Variants in PDE3B observed in about 807,000 individuals in gnomAD.
PDE3B encodes the protein cGMP-inhibited 3',5'-cyclic phosphodiesterase 3B.
In PDE3B, 66 loss-of-function variants were observed where a neutral mutation model predicts 116.8. The observed-to-expected ratio is 0.56, with a 90% CI of 0.46 to 0.69. The LOEUF (loss-of-function observed/expected upper bound fraction) is 0.69. Among genes scored for constraint, PDE3B ranks in the 30% least tolerant of loss-of-function variants. PDE3B has a pLI of 0.00. For synonymous variants in PDE3B, 595 were observed against 533.6 expected (o/e 1.12, Z -1.59); for missense variants, 1,384 against 1,368.1 (o/e 1.01, Z -0.18).
intron 1 of PDE3B, among the ~76,000 whole-genome samples, chr11:14,711,390 C>G (rs942061606): frequency 4.6e-5 from 7 of 152,068 alleles, no homozygotes; most frequent in African/African-American, 1.4e-4. Flanking sequence ...TCTTGCATTG[C>G]TATAAAGAAA....
chr11:14,764,896 A>T (rs1429318545), intron 1 of PDE3B, among the ~76,000 whole-genome samples: 1 of 135,430 alleles, frequency 7.4e-6, no homozygotes, highest in Non-Finnish European at 1.6e-5. Context: ...TCTGCTTCTC[A>T]GTTTTTCTGA....
At chr11:14,750,879 C>G (rs760198470) in intron 1 of PDE3B, among the ~76,000 whole-genome samples, 1 of 152,118 alleles carries the variant, frequency 6.6e-6, no homozygotes, top group Non-Finnish European at 1.5e-5. Flanking sequence ...AGATCTCATT[C>G]ATTTTTTTTA....
At chr11:14,785,119 A>G (rs987966881) in intron 2 of PDE3B, among the ~76,000 whole-genome samples, 5 of 152,148 alleles carry the variant, frequency 3.3e-5, no homozygotes, top group Admixed American at 1.3e-4. Context: ...GTTATATACA[A>G]TTAGAAGTGT....
chr11:14,666,299 C>T (rs1472026641), intron 1 of PDE3B, among the ~76,000 whole-genome samples: 2 of 150,032 alleles, frequency 1.3e-5, no homozygotes, highest in Non-Finnish European at 3.0e-5. Context: ...GGATTAAAGA[C>T]TTAAACGTTA....
chr11:14,849,971 A>T lies in PDE3B; in HGVS notation c.2520+5945A>T, dbSNP rs555041281. 1.6e-3 allele frequency among the ~76,000 whole-genome samples: 251 copies of T among 152,184 alleles called. 1 individual carries two copies. The highest frequency in any genetic ancestry group is 5.6e-3 in the African/African-American group (232 of 41,502). ...TAGAACTAGAAATACCATTTGACCT[A>T]GCCATCCCATTACTGGGTATATACC... On this transcript the variant is annotated intron_variant, in intron 12 of 15. Coordinates refer to ENST00000282096, the MANE Select transcript of PDE3B (RefSeq NM_000922.4).
intron 1 of PDE3B, among the ~76,000 whole-genome samples, chr11:14,769,052 C>T (rs1393215269): frequency 1.3e-5 from 2 of 151,370 alleles, no homozygotes; most frequent in Admixed American, 6.6e-5. Flanking sequence ...CACAGTAAGA[C>T]CTGCTGCTTT....
At chr11:14,827,554 T>C (rs1333844075) in intron 7 of PDE3B, among the ~76,000 whole-genome samples, 8 of 151,908 alleles carry the variant, frequency 5.3e-5, no homozygotes, top group Non-Finnish European at 1.0e-4. Flanking sequence ...AGGAACACAA[T>C]CCCATTTACA....
At chr11:14,824,697 TG>T (rs1362365276) in intron 7 of PDE3B, among the ~76,000 whole-genome samples, 1 of 152,172 alleles carries the variant, frequency 6.6e-6, no homozygotes. Context: ...GCAAACAACC[TG>T]GAAAACATAT....
At chr11:14,867,859 G>C in intron 15 of PDE3B, 101 bp downstream of exon 15, 2 of 956,118 alleles carry the variant, frequency 2.1e-6, no homozygotes, top group African/African-American at 1.7e-5. Flanking sequence ...AAAATTTTTT[G>C]AGTGCCAGCA....
chr11:14,645,182 G>T lies in PDE3B; in HGVS notation c.978+129G>T, dbSNP rs1049242150. Reference sequence around the variant, plus strand: ...ATGGAAAAAGGGTGTGTTGCGGGGGGGGGGGGGGAGGAAATAATGTTTTAT... The same window carrying T: ...ATGGAAAAAGGGTGTGTTGCGGGGGTGGGGGGGGAGGAAATAATGTTTTAT... On this transcript the variant is annotated intron_variant, in intron 1 of 15. Transcript: ENST00000282096. The T allele has an allele frequency of 2.0e-4, 93 of 471,612 alleles. 12 individuals are homozygous for T. The highest frequency in any genetic ancestry group is 7.1e-4 in the Middle Eastern group (1 of 1,416). 29.2% of individuals were successfully genotyped at this position (471,612 alleles called of 1,614,324 possible).
chr11:14,689,530 A>C (rs998783308), intron 1 of PDE3B, among the ~76,000 whole-genome samples: 5 of 152,284 alleles, frequency 3.3e-5, no homozygotes, highest in African/African-American at 1.2e-4. Flanking sequence ...TTTGCTTTGA[A>C]GGTCATAGGT....
intron 7 of PDE3B, among the ~76,000 whole-genome samples, chr11:14,821,865 C>T (rs1454074092): frequency 1.3e-5 from 2 of 151,666 alleles, no homozygotes; most frequent in Non-Finnish European, 2.9e-5. Flanking sequence ...GGATTTGAAC[C>T]TAGTTTTCTG....
chr11:14,768,664 A>G (rs571196244), intron 1 of PDE3B, among the ~76,000 whole-genome samples: 5 of 151,632 alleles, frequency 3.3e-5, no homozygotes, highest in South Asian at 2.1e-4. Flanking sequence ...CTGCACAGCT[A>G]TGTGCATTCT....
At chr11:14,843,095 G>A (rs575277351) in intron 11 of PDE3B, among the ~76,000 whole-genome samples, 1 of 152,078 alleles carries the variant, frequency 6.6e-6, no homozygotes, top group African/African-American at 2.4e-5. Context: ...AAAAATAATA[G>A]AATGATCATC....
At chr11:14,880,079 AC>A in the PDE3B span, 1 of 1,586,086 alleles carries the variant, frequency 6.3e-7, no homozygotes, top group Non-Finnish European at 8.6e-7. Context: ...AGACTCAAAA[AC>A]ATGTATGAAC....
chr11:14,762,030 G>C (rs1857373026), intron 1 of PDE3B, among the ~76,000 whole-genome samples: 1 of 151,930 alleles, frequency 6.6e-6, no homozygotes, highest in South Asian at 2.1e-4. Flanking sequence ...AAGTCAGCTG[G>C]GTGTGGTGGT....
At chr11:14,684,328 A>G (rs1854801900) in intron 1 of PDE3B, among the ~76,000 whole-genome samples, 1 of 152,176 alleles carries the variant, frequency 6.6e-6, no homozygotes, top group Non-Finnish European at 1.5e-5. Context: ...TAGGACCATG[A>G]TGCCTACCTG....
intron 1 of PDE3B, among the ~76,000 whole-genome samples, chr11:14,668,218 A>G (rs1180630217): frequency 1.3e-5 from 2 of 152,098 alleles, no homozygotes; most frequent in African/African-American, 2.4e-5. Flanking sequence ...ACAGAGTCCT[A>G]CTTAAGCTCA....
At chr11:14,816,171 A>G (rs1045947119) in intron 5 of PDE3B, among the ~76,000 whole-genome samples, 2 of 152,218 alleles carry the variant, frequency 1.3e-5, no homozygotes, top group African/African-American at 4.8e-5. Context: ...CCCTAAGCTA[A>G]TTGGATGAGG....
Sources: allele counts gnomAD v4.1 joint callset (sites outside exome capture counted in the v4.1 genomes callset), GRCh38; gene constraint gnomAD v4.1.1; transcripts MANE v1.5; gene names NCBI Gene and HGNC (gene_info 2026-07-23, HGNC 2026-07-21).